Variants in MRPL39 observed in about 807,000 individuals in gnomAD.
MRPL39 encodes the protein mitochondrial ribosomal protein L39, also known as large ribosomal subunit protein mL39.
In MRPL39, 35 loss-of-function variants were observed where a neutral mutation model predicts 44.5. The observed-to-expected ratio is 0.79, with a 90% CI of 0.60 to 1.04. MRPL39 has a LOEUF of 1.04. Ranked by LOEUF, MRPL39 falls within the 50% of genes least tolerant of loss-of-function variation. MRPL39 has a pLI of 0.00. For synonymous variants in MRPL39, 139 were observed against 136.1 expected (o/e 1.02, Z -0.15); for missense variants, 433 against 413.5 (o/e 1.05, Z -0.41).
At chr21:25,590,451 C>G (rs1264620523) in intron 8 of MRPL39, among the ~76,000 whole-genome samples, 1 of 151,782 alleles carries the variant, frequency 6.6e-6, no homozygotes, top group Non-Finnish European at 1.5e-5. Context: ...GTGTCTCATT[C>G]AAAGCCGTCC....
intron 4 of MRPL39, among the ~76,000 whole-genome samples, chr21:25,600,904 G>A (rs1269212365): frequency 2.0e-5 from 3 of 152,124 alleles, no homozygotes; most frequent in Non-Finnish European, 4.4e-5. Context: ...TCAGGAGATC[G>A]AGACCATCCT....
intron 6 of MRPL39, among the ~76,000 whole-genome samples, chr21:25,596,529 G>A (rs2031366003): frequency 8.5e-6 from 1 of 117,262 alleles, no homozygotes; most frequent in African/African-American, 3.2e-5. Context: ...TATAAAGTAT[G>A]TGTCAAAAAC....
rs146788494 is a variant in MRPL39 at position 25,593,355 on chromosome 21, A to T, written c.768-390T>A. Among the ~76,000 whole-genome samples the T allele has an allele frequency of 1.6e-4, 25 of 152,316 alleles. 1 individual carries two copies. The East Asian group carries it at 4.4e-3, about 27-fold the overall frequency. On this transcript the variant is annotated intron_variant, in intron 7 of 9. Transcript: ENST00000352957. ...AACAAAGGGCAGTTTCTAGAGGAAA[A>T]AAGTGAAGTCCAATTCATAAAAACA...
intron 8 of MRPL39, among the ~76,000 whole-genome samples, chr21:25,590,033 G>A (rs1259234784): frequency 6.6e-6 from 1 of 152,212 alleles, no homozygotes; most frequent in African/African-American, 2.4e-5. Flanking sequence ...AACAGATTGT[G>A]TATTAAAAAG....
At chr21:25,605,290 A>C (rs1275093277) in intron 2 of MRPL39, among the ~76,000 whole-genome samples, 2 of 152,200 alleles carry the variant, frequency 1.3e-5, no homozygotes, top group Admixed American at 1.3e-4. Flanking sequence ...TCAAAAATAA[A>C]ATATAGAAGT....
chr21:25,590,321 G>A (rs1373904909), intron 8 of MRPL39, among the ~76,000 whole-genome samples: 2 of 151,818 alleles, frequency 1.3e-5, no homozygotes, highest in Non-Finnish European at 2.9e-5. Context: ...GGGCCACACT[G>A]GAAGAAGAAT....
rs746153216 is a variant in MRPL39 at position 25,601,428 on chromosome 21, T to A, written c.460A>T (p.Ile154Leu). 5.6e-6 allele frequency: 9 copies of A among 1,610,146 alleles called. No homozygotes were observed. The highest frequency in any genetic ancestry group is 7.6e-6 in the Non-Finnish European group (9 of 1,177,794). The stretch of plus-strand genomic sequence containing the variant: ...TATTCATCTTTGAATGCCCTCTCTA[T>A]CACACAGCCCATCATCATAGCACAG... ...RSCAMMMGCV[I>L]ERAFKDEYMV... is the part of the protein sequence containing the mutation. Residue 154 changes from isoleucine to leucine, a missense_variant, in exon 4 of 10, where the codon ATA (isoleucine) becomes TTA (leucine). By Grantham distance (5) the Ile-to-Leu change is conservative (BLOSUM62 2). Coordinates refer to ENST00000352957, the MANE Select transcript of MRPL39 (RefSeq NM_017446.4).
chr21:25,605,531 C>T (rs1338906051), intron 2 of MRPL39, among the ~76,000 whole-genome samples: 1 of 152,002 alleles, frequency 6.6e-6, no homozygotes, highest in African/African-American at 2.4e-5. Flanking sequence ...AAGAAAAAGG[C>T]GGCAAAAAAA....
In MRPL39 at chr21:25,588,845, G is replaced by T. The variant is rs764631448; in HGVS notation, c.959C>A (p.Ser320Tyr). 6.2e-7 allele frequency: 1 copy of T among 1,612,686 alleles called. No homozygotes were observed. The change falls in exon 9 of 10, where the codon TCT becomes TAT. Residue 320 changes from serine (S) to tyrosine (Y), a missense_variant. Coordinates refer to ENST00000352957, the MANE Select transcript of MRPL39 (RefSeq NM_017446.4). ...FTIWDKLLER[S>Y]RKMVTEDQSK... Reference sequence around the variant, plus strand: ...GTCAAAAACACTTACCATTTTCCGAGATCTTTCCAATAGCTTATCCCATAT... The same window carrying T: ...GTCAAAAACACTTACCATTTTCCGATATCTTTCCAATAGCTTATCCCATAT...
chr21:25,607,442 GCAGCGCCCGGGAACCCATGGC>G lies in MRPL39; in HGVS notation c.13_33del (p.Ala5_Leu11del). The G allele has an allele frequency of 6.2e-7, 1 of 1,613,050 alleles. No individual in the cohort carries two copies. Among genetic ancestry groups the G allele is most frequent in the Non-Finnish European group, 8.5e-7 (1 of 1,179,956 alleles). On this transcript the variant is annotated inframe_deletion, in exon 1 of 10. Transcript: ENST00000352957. ...CCACCGGGTGCGACCAGCCAGAGCC[GCAGCGCCCGGGAACCCATGGC>G]CAGCGCCTCCATAGCAGCGGTGAGA...
intron 2 of MRPL39, among the ~76,000 whole-genome samples, chr21:25,605,222 G>C (rs2031628347): frequency 6.6e-6 from 1 of 152,052 alleles, no homozygotes; most frequent in African/African-American, 2.4e-5. Context: ...ATCTGTTTTG[G>C]GGCTTCTTTA....
rs373589516 is a variant in MRPL39, at chr21:25,589,870, G to A, written c.922-988C>T. Reference sequence around the variant, plus strand: ...TGCTGGTGCAGAGACCTTAAGCTGTGGCTGGAATATAGTGAGTGAGGAAAG... The same window carrying A: ...TGCTGGTGCAGAGACCTTAAGCTGTAGCTGGAATATAGTGAGTGAGGAAAG... On this transcript the variant is annotated intron_variant, in intron 8 of 9. Transcript: ENST00000352957. 2.0e-5 allele frequency among the ~76,000 whole-genome samples: 3 copies of A among 152,230 alleles called. No individual in the cohort carries two copies. The South Asian group carries it at 6.2e-4, about 32-fold the overall frequency.
chr21:25,591,448 T>C (rs1460585962), intron 8 of MRPL39, among the ~76,000 whole-genome samples: 2 of 152,028 alleles, frequency 1.3e-5, no homozygotes, highest in Non-Finnish European at 2.9e-5. Context: ...ATCTACAACA[T>C]ATAAAGAACT....
At chr21:25,586,610 C>T (rs1227095070) in intron 9 of MRPL39, among the ~76,000 whole-genome samples, 1 of 152,158 alleles carries the variant, frequency 6.6e-6, no homozygotes, top group Admixed American at 6.5e-5. Flanking sequence ...ACACAAGCCC[C>T]TCATATTCTG....
intron 2 of MRPL39, 120 bp downstream of exon 2, chr21:25,606,329 T>C: frequency 1.2e-6 from 1 of 857,312 alleles, no homozygotes. Context: ...GATTTTGGTA[T>C]AAAGGGATTG....
chr21:25,591,324 A>C (rs750863866), intron 8 of MRPL39, among the ~76,000 whole-genome samples: 3 of 152,266 alleles, frequency 2.0e-5, no homozygotes, highest in Middle Eastern at 3.4e-3. Context: ...AAAATTAAAA[A>C]CTTCTCTGCA....
At chr21:25,599,683 T>C (rs2829827) in intron 5 of MRPL39, 116 bp downstream of exon 5, 30,362 of 816,046 alleles carry the variant, frequency 0.037, 2,679 homozygotes, top group African/African-American at 0.24. Flanking sequence ...GATAGATACA[T>C]AGATTCTTTT....
upstream of MRPL39, chr21:25,607,560 A>C: frequency 7.0e-7 from 1 of 1,424,990 alleles, no homozygotes; most frequent in South Asian, 1.2e-5. Context: ...TCCGCAGGAC[A>C]GGTCTGTTCC....
At chr21:25,592,677 C>A in intron 8 of MRPL39, 135 bp downstream of exon 8, 1 of 615,686 alleles carries the variant, frequency 1.6e-6, no homozygotes, top group Non-Finnish European at 2.5e-6. Context: ...AATCATAAAC[C>A]TGAGTTTATA....
Sources: gnomAD v4.1 joint callset for allele counts (sites outside exome capture counted in the v4.1 genomes callset) on GRCh38, gnomAD v4.1.1 for gene constraint, MANE v1.5 for transcripts, NCBI Gene and HGNC (gene_info 2026-07-23, HGNC 2026-07-21) for gene names.